IFRD2: variants seen among roughly 807,000 people sequenced by gnomAD.
IFRD2 encodes the protein interferon-related developmental regulator 2.
Under a neutral mutation model 49.2 loss-of-function variants are expected in IFRD2, and 35 were observed. The ratio of observed to expected loss-of-function variants is 0.71; its 90% CI spans 0.54 to 0.94. IFRD2 has a LOEUF of 0.94. IFRD2 is among the 40% of genes least tolerant of loss of function. IFRD2 has a pLI of 0.00. For missense variants in IFRD2, 561 were observed against 591.6 expected (o/e 0.95, Z 0.54); for synonymous variants, 275 against 239.7 (o/e 1.15, Z -1.36).
At position 50,287,996 on chromosome 3, in the gene IFRD2, C is replaced by A. The variant is rs1014553062; in HGVS notation, c.*195G>T. On this transcript the variant is annotated 3_prime_UTR_variant, in exon 12 of 12. Transcript: ENST00000417626. ...CCTGAGACAGGACAGGAAGGGGCCA[C>A]AGGGCTGAGTGCAGGGACAAAGGGG... The A allele has an allele frequency of 9.2e-5, 55 of 594,676 alleles. No individual in the cohort carries two copies. The highest frequency in any genetic ancestry group is 4.5e-4 in the Middle Eastern group (1 of 2,226). The allele number at this position is 594,676 out of a possible 1,614,324, so 36.8% of individuals were successfully genotyped here.
rs1701591487 is a variant in IFRD2 at position 50,288,133 on chromosome 3, C to T, written c.*58G>A. ...TGGTGGAGACCAGTTGTTGCACTGT[C>T]TTCTGTTAAAAATACGGACCAAGGG... is the stretch of plus-strand genomic sequence containing the variant. On this transcript the variant is annotated 3_prime_UTR_variant, in exon 12 of 12. Coordinates refer to ENST00000417626, the MANE Select transcript of IFRD2 (RefSeq NM_006764.5). The T allele has an allele frequency of 7.1e-7, 1 of 1,409,588 alleles. No homozygotes were observed. Among genetic ancestry groups the T allele is most frequent in the Non-Finnish European group, 1.0e-6 (1 of 1,004,312 alleles). 87.3% of individuals were successfully genotyped at this position (1,409,588 alleles called of 1,614,324 possible).
rs1701647088 is a variant in IFRD2, at chr3:50,290,207, G to A, written c.351C>T (p.Leu117=). Residue 117 remains leucine, a synonymous_variant, in exon 4 of 12, where the codon CTC becomes CTT. Transcript: ENST00000417626. ...LLPDFLLERR[L]TLADALEKCL... The stretch of plus-strand genomic sequence containing the variant: ...ACTTTTCCAGGGCATCGGCTAGCGT[G>A]AGGCGGCGCTCCAGCAAGAAGTCGG... 1.9e-6 allele frequency: 3 copies of A among 1,613,786 alleles called. No individual in the cohort carries two copies. Among genetic ancestry groups the A allele is most frequent in the Non-Finnish European group, 2.5e-6 (3 of 1,179,788 alleles).
intron 8 of IFRD2, 141 bp downstream of exon 8, chr3:50,289,114 C>T (rs2109274926): frequency 2.6e-6 from 3 of 1,154,704 alleles, no homozygotes; most frequent in South Asian, 1.5e-5. Context: ...CCCATCATGA[C>T]ATCTAGGAGA....
Position 50,289,571 on chromosome 3 carries a change from C to G in IFRD2, c.655G>C (p.Gly219Arg), listed in dbSNP as rs587621738. The change falls in exon 7 of 12, where the codon GGG becomes CGG. Residue 219 changes from glycine to arginine, a missense_variant. By Grantham distance (125) the Gly-to-Arg change is moderately radical. Transcript: ENST00000417626. ...ESVFSRFYGL[G>R]GSSTSPVVPA... ...ACCACAGGACTTGTGGAGCTGCCCCCCAAGCCATAGAACCGGCTGAAAACA... is the reference window on the plus strand; with the variant it reads ...ACCACAGGACTTGTGGAGCTGCCCCGCAAGCCATAGAACCGGCTGAAAACA... 299 of 1,584,516 alleles carry G rather than the reference C, an allele frequency of 1.9e-4. 1 individual carries two copies. In the East Asian group the frequency reaches 6.8e-3, roughly 36 times the overall value.
rs1338547263 is a variant in IFRD2, at chr3:50,288,947, G to A, written c.886-10C>T. ...CGTAAACAAACTCCTCCTGCAATGG[G>A]AGCATTGGAGGGTGTGTGGTAGATG... On this transcript the variant is annotated splice_polypyrimidine_tract_variant and intron_variant, in intron 8 of 11. Coordinates refer to ENST00000417626, the MANE Select transcript of IFRD2 (RefSeq NM_006764.5). 6.2e-7 allele frequency: 1 copy of A among 1,610,768 alleles called. No individual in the cohort carries two copies. The highest frequency in any genetic ancestry group is 8.5e-7 in the Non-Finnish European group (1 of 1,178,262).
intron 8 of IFRD2, 123 bp downstream of exon 8, chr3:50,289,132 G>T: frequency 1.7e-6 from 2 of 1,166,236 alleles, no homozygotes; most frequent in Non-Finnish European, 2.5e-6. Flanking sequence ...AGATAAATCT[G>T]TTTTGGGGCC....
chr3:50,289,061 C>T (rs1701617520), intron 8 of IFRD2, 124 bp from the exon 9 acceptor site: 4 of 1,360,176 alleles, frequency 2.9e-6, no homozygotes, highest in South Asian at 1.4e-5. Context: ...CCCTTTGACC[C>T]CTCCTTGGCC....
In IFRD2 at chr3:50,292,246, AGC is replaced by A; in HGVS notation, c.27_28del (p.Leu10ProfsTer18). 1 of 1,516,384 alleles carries A rather than the reference AGC, an allele frequency of 6.6e-7. No homozygotes were observed. The highest frequency in any genetic ancestry group is 8.8e-7 in the Non-Finnish European group (1 of 1,135,890). 93.9% of individuals were successfully genotyped at this position (1,516,384 alleles called of 1,614,324 possible). A position where few individuals can be genotyped will look rare whatever the true frequency, so the allele number is the denominator to read the frequency against. On this transcript the variant is annotated frameshift_variant, in exon 1 of 12. Transcript: ENST00000417626. LOFTEE classifies it high-confidence loss of function. ...TCCACGGCGCTGACCACCCTTCCGG[AGC>A]GTGTTGCCCTTACGGGCGCGAGGCA...
At chr3:50,291,196 G>A (rs1161199471) in intron 1 of IFRD2, among the ~76,000 whole-genome samples, 1 of 152,010 alleles carries the variant, frequency 6.6e-6, no homozygotes, top group Non-Finnish European at 1.5e-5. Flanking sequence ...ATTTTTAGTA[G>A]ATAGGGTTTC....
Position 50,289,494 on chromosome 3 carries a change from C to A in IFRD2, c.732G>T (p.Leu244Phe). The part of the protein sequence containing the change: ...LLSAALQAWA[L>F]LLTICPSTQI... ...GGGTGCTAGGGCAGATGGTGAGCAG[C>A]AATGCCCAGGCCTGCAGGGCAGCAG... The change falls in exon 7 of 12, where the codon TTG becomes TTT. Residue 244 changes from leucine to phenylalanine, a missense_variant. Coordinates refer to ENST00000417626, the MANE Select transcript of IFRD2 (RefSeq NM_006764.5). 2 of 1,584,618 alleles carry A rather than the reference C, an allele frequency of 1.3e-6. No individual in the cohort carries two copies. Among genetic ancestry groups the A allele is most frequent in the Non-Finnish European group, 1.7e-6 (2 of 1,165,418 alleles).
In IFRD2 at chr3:50,287,923, C is replaced by T; in HGVS notation, c.*268G>A. On this transcript the variant is annotated 3_prime_UTR_variant, in exon 12 of 12. Transcript: ENST00000417626. ...GAGAAAGGAAAGGAAGGGAAAGGCC[C>T]CCTAGTGCCTGCCCCACAGCCCTGA... The T allele has an allele frequency of 2.2e-6, 1 of 455,928 alleles. No homozygotes were observed. The highest frequency in any genetic ancestry group is 3.6e-5 in the Admixed American group (1 of 28,020). The allele number at this position is 455,928 out of a possible 1,614,324, so 28.2% of individuals were successfully genotyped here.
rs1273212624 is a variant in IFRD2, at chr3:50,288,104, A to AT, written c.*86dup. ...GTCATTAAAAAAAATAAAGTGACAAATACTGGTGGAGACCAGTTGTTGCAC... is the reference window on the plus strand; with the variant it reads ...GTCATTAAAAAAAATAAAGTGACAAATTACTGGTGGAGACCAGTTGTTGCAC... On this transcript the variant is annotated 3_prime_UTR_variant, in exon 12 of 12. Transcript: ENST00000417626. The AT allele has an allele frequency of 1.7e-6, 2 of 1,178,136 alleles. No homozygotes were observed. The highest frequency in any genetic ancestry group is 4.1e-5 in the Admixed American group (2 of 49,340). 73.0% of individuals were successfully genotyped at this position (1,178,136 alleles called of 1,614,324 possible). A position where few individuals can be genotyped will look rare whatever the true frequency, so the allele number is the denominator to read the frequency against.
intron 1 of IFRD2, among the ~76,000 whole-genome samples, chr3:50,290,959 T>C (rs1339457178): frequency 6.6e-6 from 1 of 150,510 alleles, no homozygotes; most frequent in Non-Finnish European, 1.5e-5. Context: ...ACACCCCTCA[T>C]CTGCAGGACA....
Position 50,289,954 on chromosome 3 carries a change from G to A in IFRD2, c.521C>T (p.Thr174Ile). 1 of 1,613,198 alleles carries A rather than the reference G, an allele frequency of 6.2e-7. No homozygotes were observed. The change falls in exon 5 of 12, where the codon ACA (threonine) becomes ATA (isoleucine). Residue 174 changes from threonine to isoleucine, a missense_variant. Physicochemically the swap from Thr to Ile is moderately conservative, Grantham distance 89. Transcript: ENST00000417626. ...GTGGAGCCGGGCAGCAGGGCTAGCTGTGCTGTCACTGAGCACAGAGACCAG... is the reference window on the plus strand; with the variant it reads ...GTGGAGCCGGGCAGCAGGGCTAGCTATGCTGTCACTGAGCACAGAGACCAG... The part of the protein sequence containing the change: ...PLLVSVLSDS[T>I]ASPAARLHCA...
rs1007138466 is a variant in IFRD2, at chr3:50,290,010, A to G, written c.465T>C (p.Gly155=). The stretch of plus-strand genomic sequence containing the variant: ...GCTGCAGGCTGTGAAACAGCTCCTC[A>G]CCCTTAGGTCCAGGGCCCAGCTGCA... ...LCVQLGPGPK[G]EELFHSLQPL... Residue 155 remains glycine (G), a synonymous_variant, in exon 5 of 12, where the codon GGT becomes GGC. Coordinates refer to ENST00000417626, the MANE Select transcript of IFRD2 (RefSeq NM_006764.5). 2 of 1,613,302 alleles carry G rather than the reference A, an allele frequency of 1.2e-6. No homozygotes were observed. The highest frequency in any genetic ancestry group is 2.7e-5 in the African/African-American group (2 of 75,032).
chr3:50,291,948 A>G (rs1575492399), intron 1 of IFRD2: 1 of 479,246 alleles, frequency 2.1e-6, no homozygotes, highest in African/African-American at 2.1e-5. Flanking sequence ...GAGTTTGTCC[A>G]CCCAGCAGGC....
At position 50,290,548 on chromosome 3, in the gene IFRD2, A is replaced by G; in HGVS notation, c.178+12T>C. 1.2e-6 allele frequency: 2 copies of G among 1,612,930 alleles called. No homozygotes were observed. The highest frequency in any genetic ancestry group is 1.7e-6 in the Non-Finnish European group (2 of 1,179,582). On this transcript the variant is annotated intron_variant, in intron 2 of 11. Transcript: ENST00000417626. ...CTCACCAAGCCCCTGTCAAACTTCC[A>G]CCCGCTCTCACCAAGGCTGTCCTCT...
chr3:50,290,073 T>C lies in IFRD2; in HGVS notation c.402A>G (p.Glu134=). 6.2e-7 allele frequency: 1 copy of C among 1,613,644 alleles called. No homozygotes were observed. The highest frequency in any genetic ancestry group is 8.5e-7 in the Non-Finnish European group (1 of 1,179,682). The change falls in exon 5 of 12, where the codon GAA becomes GAG. Residue 134 remains glutamate, a synonymous_variant. Transcript: ENST00000417626. The part of the protein sequence containing the change: ...EKCLKKGKGE[E]QALAAAVLGL... Reference sequence around the variant, plus strand: ...CTAGCACAGCAGCAGCCAGGGCTTGTTCCTCGCCCTTCCCTGTGGGATGCT... The same window carrying C: ...CTAGCACAGCAGCAGCCAGGGCTTGCTCCTCGCCCTTCCCTGTGGGATGCT...
chr3:50,288,995 C>G (rs187404710), intron 8 of IFRD2, 58 bp from the exon 9 acceptor site: 14 of 1,585,394 alleles, frequency 8.8e-6, no homozygotes, highest in Non-Finnish European at 1.2e-5. Flanking sequence ...TGGCTCTGAA[C>G]AGGGCACTGC....
Sources: allele counts gnomAD v4.1 joint callset (sites outside exome capture counted in the v4.1 genomes callset), GRCh38; gene constraint gnomAD v4.1.1; transcripts MANE v1.5; gene names NCBI Gene and HGNC (gene_info 2026-07-23, HGNC 2026-07-21).